PXDN: variants seen among roughly 807,000 people sequenced by gnomAD.
The protein encoded by PXDN is peroxidasin homolog.
In PXDN, 77 loss-of-function variants were observed where a neutral mutation model predicts 140.3. That is an observed-to-expected ratio of 0.55 (90% CI 0.46 to 0.66). PXDN has a LOEUF of 0.66. Among genes scored for constraint, PXDN ranks in the 30% least tolerant of loss-of-function variants. The probability of loss-of-function intolerance (pLI) is 0.00; values close to 1 mark genes in which losing one functional copy is unlikely to be tolerated. For synonymous variants in PXDN, 911 were observed against 857.4 expected (o/e 1.06, Z -1.09); for missense variants, 1,838 against 2,039.5 (o/e 0.90, Z 1.90).
At chr2:1,686,322 G>C (rs1244824429) in intron 4 of PXDN, among the ~76,000 whole-genome samples, 2 of 152,174 alleles carry the variant, frequency 1.3e-5, no homozygotes, top group Non-Finnish European at 2.9e-5. Flanking sequence ...GGGTGCTAAA[G>C]GCAGCCTGGC....
At chr2:1,654,646 A>T (rs886615783) in intron 14 of PXDN, 138 bp from the exon 15 acceptor site, 7 of 608,390 alleles carry the variant, frequency 1.2e-5, no homozygotes, top group Non-Finnish European at 1.7e-5. Context: ...CCCAAACTCA[A>T]ATTATTTTAT....
chr2:1,705,741 C>G (rs1278310109), intron 1 of PXDN, among the ~76,000 whole-genome samples: 1 of 134,472 alleles, frequency 7.4e-6, no homozygotes, highest in African/African-American at 2.9e-5. Context: ...ACCTGGGATG[C>G]AGGTGCGGCT....
intron 7 of PXDN, among the ~76,000 whole-genome samples, chr2:1,678,888 C>G (rs2125439056): frequency 6.6e-6 from 1 of 152,318 alleles, no homozygotes; most frequent in South Asian, 2.1e-4. Flanking sequence ...CTCTTGCTCC[C>G]CAGGCTAGAA....
chr2:1,744,474 A>G lies in PXDN; in HGVS notation c.-19T>C. On this transcript the variant is annotated 5_prime_UTR_variant, in exon 1 of 23. Coordinates refer to ENST00000252804, the MANE Select transcript of PXDN (RefSeq NM_012293.3). ...TGGCCATGGCCGACGGCGCGGACGG[A>G]CGCTCGGACGCACGGAGCCACCACG... The G allele has an allele frequency of 7.0e-7, 1 of 1,430,834 alleles. No homozygotes were observed. The highest frequency in any genetic ancestry group is 9.1e-7 in the Non-Finnish European group (1 of 1,100,908). The allele number at this position is 1,430,834 out of a possible 1,614,324, so 88.6% of individuals were successfully genotyped here.
At position 1,648,197 on chromosome 2, in the gene PXDN, G is replaced by A. The variant is rs756441726; in HGVS notation, c.3583C>T (p.Pro1195Ser). Reference protein sequence around the residue: ...FEDLKNEIKNPEIREKLKRLY... With the variant: ...FEDLKNEIKNSEIREKLKRLY... ...CTTTTCAGTTTCTCCCGGATCTCAG[G>A]GTTTTTAATCTCATTTTTCAGGTCC... The change falls in exon 17 of 23, where the codon CCT (proline) becomes TCT (serine). Residue 1195 changes from proline to serine, a missense_variant. This residue lies in a region of PXDN where 850 missense variants were observed against 894.1 expected (regional missense o/e 0.95). Transcript: ENST00000252804. The surrounding 1 kb of genome is among the most constrained non-coding windows in gnomAD (Gnocchi z 8.9). 46 of 1,612,448 alleles carry A rather than the reference G, an allele frequency of 2.9e-5. No individual in the cohort carries two copies. The highest frequency in any genetic ancestry group is 1.7e-4 in the Admixed American group (10 of 59,968).
intron 1 of PXDN, among the ~76,000 whole-genome samples, chr2:1,720,291 GAGA>G (rs1685007296): frequency 7.0e-6 from 1 of 143,112 alleles, no homozygotes; most frequent in African/African-American, 2.6e-5. Flanking sequence ...CAGAGAGAGA[GAGA>G]GGGAGGGAGG....
intron 9 of PXDN, among the ~76,000 whole-genome samples, chr2:1,670,226 C>A (rs1341154186): frequency 6.6e-6 from 1 of 152,124 alleles, no homozygotes; most frequent in African/African-American, 2.4e-5. Context: ...GGAAAAAAAT[C>A]TAAACTCACT....
intron 1 of PXDN, among the ~76,000 whole-genome samples, chr2:1,743,507 C>T (rs1369300716): frequency 1.3e-5 from 2 of 151,694 alleles, no homozygotes; most frequent in African/African-American, 4.8e-5. Flanking sequence ...GATGCGGGGG[C>T]ACTGGGAGCG....
At position 1,694,755 on chromosome 2, in the gene PXDN, C is replaced by T. The variant is rs143175465; in HGVS notation, c.201-1621G>A. ...AGTCAGAAGCATCGAAACTGGGAGG[C>T]GGTGCTGGAGGAAGACACGGGAGGG... On this transcript the variant is annotated intron_variant, in intron 1 of 22. Transcript: ENST00000252804. 6.7e-3 allele frequency among the ~76,000 whole-genome samples: 1,023 copies of T among 152,264 alleles called. 13 individuals are homozygous for T. The highest frequency in any genetic ancestry group is 0.024 in the African/African-American group (986 of 41,530).
chr2:1,652,209 T>C (rs956942573), intron 16 of PXDN, among the ~76,000 whole-genome samples: 2 of 152,268 alleles, frequency 1.3e-5, no homozygotes, highest in South Asian at 2.1e-4. Flanking sequence ...ATTTCTGTGG[T>C]GGCGGCAGAA....
At chr2:1,656,430 C>A (rs1683134450) in intron 14 of PXDN, among the ~76,000 whole-genome samples, 1 of 152,176 alleles carries the variant, frequency 6.6e-6, no homozygotes, top group Admixed American at 6.5e-5. Context: ...TGACACAGCC[C>A]AACACACCCT....
At chr2:1,667,268 G>A (rs972046531) in intron 9 of PXDN, among the ~76,000 whole-genome samples, 2 of 152,032 alleles carry the variant, frequency 1.3e-5, no homozygotes, top group African/African-American at 2.4e-5. Flanking sequence ...TTTGTTAATC[G>A]GTTTGACAAA....
chr2:1,701,430 G>A (rs1464841528), intron 1 of PXDN, among the ~76,000 whole-genome samples: 3 of 152,234 alleles, frequency 2.0e-5, no homozygotes, highest in African/African-American at 7.2e-5. Flanking sequence ...GGGCACGGAC[G>A]AGTTTCAAGC....
rs1436706135 is a variant in PXDN at position 1,687,892 on chromosome 2, G to A, written c.345-189C>T. Among the ~76,000 whole-genome samples the A allele has an allele frequency of 2.0e-5, 3 of 152,176 alleles. No individual in the cohort carries two copies. Among genetic ancestry groups the A allele is most frequent in the African/African-American group, 4.8e-5 (2 of 41,438 alleles). Reference sequence around the variant, plus strand: ...CTTCCCTTCCCTCAGATCTCAAGGGGGCTAAAAGCAACCGGTGCCAACTGA... The same window carrying A: ...CTTCCCTTCCCTCAGATCTCAAGGGAGCTAAAAGCAACCGGTGCCAACTGA... On this transcript the variant is annotated intron_variant, in intron 3 of 22. Transcript: ENST00000252804. This position sits in a 1 kb window ranked among gnomAD's most constrained non-coding sequence, Gnocchi z 4.0.
At chr2:1,688,143 C>T (rs553616352) in intron 3 of PXDN, among the ~76,000 whole-genome samples, 51 of 152,218 alleles carry the variant, frequency 3.4e-4, no homozygotes, top group East Asian at 2.5e-3. Flanking sequence ...CCGAATGCAC[C>T]TTGAATAACT....
At chr2:1,683,891 CT>C (rs1683982590) in intron 5 of PXDN, among the ~76,000 whole-genome samples, 164 bp from the exon 6 acceptor site, 1 of 132,508 alleles carries the variant, frequency 7.5e-6, no homozygotes, top group Non-Finnish European at 1.6e-5. Context: ...TTTTTTTTTC[CT>C]GTTTTATCAA....
rs548188504 is a variant in PXDN at position 1,653,908 on chromosome 2, T to C, written c.1947-123A>G. ...TACGGCTACTTTCTACAACATAATG[T>C]ACTATACCTTCCTCATCCGAAGTGG... On this transcript the variant is annotated intron_variant, in intron 15 of 22. Coordinates refer to ENST00000252804, the MANE Select transcript of PXDN (RefSeq NM_012293.3). The C allele has an allele frequency of 3.3e-5, 39 of 1,193,802 alleles. No individual in the cohort carries two copies. In the Middle Eastern group the frequency reaches 1.2e-3, roughly 38 times the overall value. The allele number at this position is 1,193,802 out of a possible 1,614,324, so 74.0% of individuals were successfully genotyped here.
At chr2:1,704,434 A>G (rs191121953) in intron 1 of PXDN, among the ~76,000 whole-genome samples, 10 of 28,844 alleles carry the variant, frequency 3.5e-4, no homozygotes, top group Admixed American at 4.7e-4. Context: ...AGGTGAAGGT[A>G]GGGGACAACT....
At chr2:1,667,650 T>G (rs1386770197) in intron 9 of PXDN, among the ~76,000 whole-genome samples, 1 of 151,990 alleles carries the variant, frequency 6.6e-6, no homozygotes, top group Non-Finnish European at 1.5e-5. Flanking sequence ...CATTCCTATA[T>G]ACCAATAATA....
Sources: allele counts gnomAD v4.1 joint callset (sites outside exome capture counted in the v4.1 genomes callset), GRCh38; gene constraint gnomAD v4.1.1; regional missense constraint gnomAD v4.1.1; non-coding constraint Gnocchi (gnomAD v3.1); transcripts MANE v1.5; gene names NCBI Gene and HGNC (gene_info 2026-07-23, HGNC 2026-07-21).